The following SASH1 variants were observed in gnomAD, a reference collection of about 807,000 sequenced individuals.
SASH1 encodes the protein SAM and SH3 domain containing 1.
In SASH1, 44 loss-of-function variants were observed where a neutral mutation model predicts 125.2. That is an observed-to-expected ratio of 0.35 (90% CI 0.28 to 0.45). The LOEUF is 0.45. Ranked by LOEUF, SASH1 falls within the 20% of genes least tolerant of loss-of-function variation. The pLI is 1.00. For missense variants in SASH1, 1,426 were observed against 1,614.5 expected (o/e 0.88, Z 2.00); for synonymous variants, 639 against 649.1 (o/e 0.98, Z 0.24).
At chr6:148,320,584 G>T (rs942827914) in intron 1 of SASH1, among the ~76,000 whole-genome samples, 1 of 152,180 alleles carries the variant, frequency 6.6e-6, no homozygotes, top group African/African-American at 2.4e-5. Flanking sequence ...GACAAAGGGT[G>T]GGTTCTTTCA....
At chr6:148,497,490 C>T (rs982589460) in intron 8 of SASH1, among the ~76,000 whole-genome samples, 4 of 152,248 alleles carry the variant, frequency 2.6e-5, no homozygotes, top group African/African-American at 9.6e-5. Flanking sequence ...TTGAGTCAGA[C>T]CTGGGGCTCA....
At chr6:148,279,073 C>T (rs1360380914) in intron 1 of SASH1, among the ~76,000 whole-genome samples, 2 of 151,846 alleles carry the variant, frequency 1.3e-5, no homozygotes, top group Non-Finnish European at 2.9e-5. Context: ...CTCACTGCCA[C>T]CCCCGCCTCC....
At chr6:148,540,697 C>A in intron 17 of SASH1, 141 bp downstream of exon 17, 3 of 640,680 alleles carry the variant, frequency 4.7e-6, no homozygotes, top group Non-Finnish European at 5.5e-6. Flanking sequence ...CATTCTAGTC[C>A]AAGTTAGCCT....
At position 148,523,146 on chromosome 6, in the gene SASH1, T is replaced by C. The variant is rs114852162; in HGVS notation, c.1210-2145T>C. On this transcript the variant is annotated intron_variant, in intron 10 of 19. Transcript: ENST00000367467. ...CATAAATTCTTTGTCACTTATTTCATATGTATCAGAAATAACTTGGGCTCC... is the reference window on the plus strand; with the variant it reads ...CATAAATTCTTTGTCACTTATTTCACATGTATCAGAAATAACTTGGGCTCC... Among the ~76,000 whole-genome samples the C allele has an allele frequency of 5.6e-3, 856 of 152,360 alleles. 14 individuals are homozygous for C. Among genetic ancestry groups the C allele is most frequent in the African/African-American group, 0.019 (807 of 41,578 alleles).
chr6:148,435,144 C>T lies in SASH1; in HGVS notation c.286-5040C>T, dbSNP rs553683241. On this transcript the variant is annotated intron_variant, in intron 2 of 19. Transcript: ENST00000367467. ...TTGGGAGGCCGAAGTGGATGGATCC[C>T]GAGGTCGGAAGTTGGAGACCAGTCT... Among the ~76,000 whole-genome samples the T allele has an allele frequency of 7.2e-5, 11 of 151,988 alleles. No individual in the cohort carries two copies. In the South Asian group the frequency reaches 1.9e-3, roughly 26 times the overall value.
chr6:148,537,831 T>TGTGTGTGG (rs1491316465), intron 16 of SASH1, among the ~76,000 whole-genome samples: 12 of 132,604 alleles, frequency 9.0e-5, no homozygotes, highest in Admixed American at 7.1e-4. Context: ...TGTGTGTGTG[T>TGTGTGTGG]GGTTGGTGAG....
At chr6:148,273,123 G>C (rs1278753411) in intron 1 of SASH1, among the ~76,000 whole-genome samples, 1 of 151,890 alleles carries the variant, frequency 6.6e-6, no homozygotes, top group Non-Finnish European at 1.5e-5. Flanking sequence ...AGCTGGGCAT[G>C]GTGGCATGCA....
the SASH1 span, among the ~76,000 whole-genome samples, chr6:148,236,330 C>G: frequency 6.6e-6 from 1 of 152,046 alleles, no homozygotes; most frequent in Non-Finnish European, 1.5e-5. Flanking sequence ...TCTCCCGCCT[C>G]AGCCTCCTGA....
intron 8 of SASH1, among the ~76,000 whole-genome samples, chr6:148,509,778 A>T (rs1316074417): frequency 6.6e-6 from 1 of 152,234 alleles, no homozygotes; most frequent in African/African-American, 2.4e-5. Context: ...CGGCACACAA[A>T]TGTTTGTACT....
intron 2 of SASH1, among the ~76,000 whole-genome samples, chr6:148,391,416 CTT>C (rs1783723193): frequency 9.0e-6 from 1 of 111,016 alleles, no homozygotes; most frequent in Non-Finnish European, 1.8e-5. Context: ...CCTAAAGACA[CTT>C]TTATAAAAAA....
At position 148,307,028 on chromosome 6, in the gene SASH1, C is replaced by CTTTTCT. The variant is rs201717574; in HGVS notation, n.74+34654_74+34655insTCTTTT. 1.2e-3 allele frequency among the ~76,000 whole-genome samples: 21 copies of CTTTTCT among 18,200 alleles called. No homozygotes were observed. In the South Asian group the frequency reaches 0.03, roughly 26 times the overall value. The allele number at this position is 18,200 out of a possible 152,430, so 11.9% of individuals were successfully genotyped here. ...CACAACCTACCTTTCTCTTTCTTTT[C>CTTTTCT]TTTCTTTCTTTCTTTCTTTCTTTCT... On this transcript the variant is annotated intron_variant and non_coding_transcript_variant, in intron 1 of 3. Transcript: ENST00000367469.
intron 1 of SASH1, among the ~76,000 whole-genome samples, chr6:148,287,678 A>C (rs1003643989): frequency 1.2e-5 from 1 of 83,654 alleles, no homozygotes; most frequent in African/African-American, 6.2e-5. Context: ...GCCTGTAATC[A>C]GTGCGTGCGT....
At chr6:148,439,708 C>A (rs988569567) in intron 2 of SASH1, among the ~76,000 whole-genome samples, 1 of 151,524 alleles carries the variant, frequency 6.6e-6, no homozygotes, top group Non-Finnish European at 1.5e-5. Flanking sequence ...ACCTGGAAGG[C>A]GGAGGTTGCA....
chr6:148,510,708 C>T (rs2115311492), intron 8 of SASH1, among the ~76,000 whole-genome samples: 1 of 152,066 alleles, frequency 6.6e-6, no homozygotes, highest in South Asian at 2.1e-4. Context: ...AATAAAAAGA[C>T]ATGCTGGCCA....
intron 1 of SASH1, among the ~76,000 whole-genome samples, chr6:148,296,890 T>C (rs1391987146): frequency 6.6e-6 from 1 of 152,234 alleles, no homozygotes; most frequent in Non-Finnish European, 1.5e-5. Flanking sequence ...TTTGGGGAAT[T>C]TAGCAAAATA....
chr6:148,474,403 C>T (rs1162867083), intron 7 of SASH1, among the ~76,000 whole-genome samples, 181 bp downstream of exon 7: 3 of 152,056 alleles, frequency 2.0e-5, no homozygotes, highest in Non-Finnish European at 4.4e-5. Flanking sequence ...TCAATGAAAA[C>T]GTGAATGAAT....
intron 1 of SASH1, among the ~76,000 whole-genome samples, chr6:148,287,696 G>GT (rs1238237860): frequency 0.4 from 60,763 of 150,910 alleles, 12,533 homozygotes; most frequent in African/African-American, 0.49. Flanking sequence ...CGTGTGTGTG[G>GT]GGGGGTGGGG....
chr6:148,212,392 TG>T, the SASH1 span, among the ~76,000 whole-genome samples: 2 of 152,120 alleles, frequency 1.3e-5, no homozygotes, highest in East Asian at 3.9e-4. Context: ...ATTAGGACCT[TG>T]GGGGCTGAAG....
chr6:148,309,882 A>G (rs1005815962), intron 1 of SASH1, among the ~76,000 whole-genome samples: 1 of 152,178 alleles, frequency 6.6e-6, no homozygotes, highest in African/African-American at 2.4e-5. Flanking sequence ...CCCATCTTCC[A>G]TTTAAATGTC....
Sources: gnomAD v4.1 joint callset for allele counts (sites outside exome capture counted in the v4.1 genomes callset) on GRCh38, gnomAD v4.1.1 for gene constraint, MANE v1.5 for transcripts, NCBI Gene and HGNC (gene_info 2026-07-23, HGNC 2026-07-21) for gene names.